DRC4: variants seen among roughly 807,000 people sequenced by gnomAD.
The protein encoded by DRC4 is dynein regulatory complex subunit 4.
chr16:90,043,217 A>G, the DRC4 span: 1 of 1,613,250 alleles, frequency 6.2e-7, no homozygotes, highest in Admixed American at 1.7e-5. Flanking sequence ...CCTGCTGCGC[A>G]CGTATGAGGC....
At chr16:90,039,825 A>T in the DRC4 span, 1 of 193,680 alleles carries the variant, frequency 5.2e-6, no homozygotes, top group South Asian at 1.1e-4. Context: ...CGTGCTCCAG[A>T]TCCACCATTT....
At chr16:90,037,547 C>T in the DRC4 span, 2 of 1,086,058 alleles carry the variant, frequency 1.8e-6, no homozygotes, top group African/African-American at 3.2e-5. Context: ...TCGTGTTCTC[C>T]TGGGGAAAGT....
chr16:90,031,527 T>G, the DRC4 span: 5 of 1,535,880 alleles, frequency 3.3e-6, no homozygotes, highest in South Asian at 6.1e-5. Context: ...CGTGCTAACC[T>G]GGTCACCACA....
chr16:90,030,016 C>G, the DRC4 span: 1 of 152,268 alleles, frequency 6.6e-6, no homozygotes, highest in African/African-American at 2.4e-5. Flanking sequence ...CTCTGCCTCC[C>G]AAAGTGCTGG....
the DRC4 span, chr16:90,042,262 T>G: frequency 9.7e-6 from 6 of 615,732 alleles, no homozygotes; most frequent in Non-Finnish European, 1.5e-5. Context: ...AGGCAGGTTG[T>G]GCAAGCTCCC....
the DRC4 span, chr16:90,037,791 G>GA: frequency 6.2e-7 from 1 of 1,614,078 alleles, no homozygotes; most frequent in African/African-American, 1.3e-5. Context: ...AAGTCAGGGA[G>GA]AAAGAGCTGA....
At chr16:90,042,998 CCT>C in the DRC4 span, 1 of 580,880 alleles carries the variant, frequency 1.7e-6, no homozygotes, top group Non-Finnish European at 3.0e-6. Flanking sequence ...ATAGTGACAG[CCT>C]CTCCCTGTCG....
the DRC4 span, among the ~76,000 whole-genome samples, chr16:90,040,910 C>T: frequency 6.6e-6 from 1 of 152,106 alleles, no homozygotes; most frequent in South Asian, 2.1e-4. Flanking sequence ...GGACCCTGGT[C>T]ATCTGGGATG....
the DRC4 span, chr16:90,031,538 G>C: frequency 1.3e-6 from 2 of 1,524,386 alleles, no homozygotes; most frequent in Non-Finnish European, 1.8e-6. Flanking sequence ...GGTCACCACA[G>C]AGCCCCAGAG....
chr16:90,025,553 G>A, the DRC4 span, among the ~76,000 whole-genome samples: 1 of 149,274 alleles, frequency 6.7e-6, no homozygotes, highest in Non-Finnish European at 1.5e-5. Context: ...AGGAGGCTGA[G>A]GCAGGAGAAT....
chr16:90,043,246 G>A, the DRC4 span: 3 of 1,613,648 alleles, frequency 1.9e-6, no homozygotes, highest in Non-Finnish European at 2.5e-6. Context: ...TGGCCTTCGG[G>A]ATCCCTCTGG....
chr16:90,036,952 T>C, the DRC4 span: 2 of 555,482 alleles, frequency 3.6e-6, no homozygotes, highest in African/African-American at 1.9e-5. Flanking sequence ...CACTGCATGC[T>C]GGCAGTGACA....
At chr16:90,019,671 G>A in the DRC4 span, 1 of 530,632 alleles carries the variant, frequency 1.9e-6, no homozygotes, top group Non-Finnish European at 3.3e-6. This position sits in a 1 kb window ranked among gnomAD's most constrained non-coding sequence, Gnocchi z 6.1. Context: ...GACACCACCG[G>A]GACCTGGCTG....
At chr16:90,035,275 C>G in the DRC4 span, among the ~76,000 whole-genome samples, 1 of 152,140 alleles carries the variant, frequency 6.6e-6, no homozygotes, top group Non-Finnish European at 1.5e-5. Context: ...TCAAGTGATC[C>G]TCCTGCCTTG....
At chr16:90,024,258 G>C in the DRC4 span, among the ~76,000 whole-genome samples, 1 of 152,012 alleles carries the variant, frequency 6.6e-6, no homozygotes, top group Non-Finnish European at 1.5e-5. Flanking sequence ...TTGTGTAGTG[G>C]GATTTTTAAG....
chr16:90,028,035 G>A, the DRC4 span: 1 of 354,266 alleles, frequency 2.8e-6, no homozygotes. Flanking sequence ...TTTTGCACCT[G>A]ATGTGTATAG....
chr16:90,044,219 C>T, the DRC4 span: 54 of 452,672 alleles, frequency 1.2e-4, no homozygotes, highest in Non-Finnish European at 1.9e-4. Flanking sequence ...CTGGAGTTGG[C>T]TCAGATGAAA....
the DRC4 span, among the ~76,000 whole-genome samples, chr16:90,034,854 G>C: frequency 4.1e-5 from 6 of 144,584 alleles, no homozygotes; most frequent in Non-Finnish European, 6.0e-5. Context: ...CTCCCAAGTA[G>C]CTGGAACTAT....
the DRC4 span, chr16:90,036,635 A>G: frequency 6.6e-7 from 1 of 1,514,918 alleles, no homozygotes; most frequent in Non-Finnish European, 9.0e-7. Context: ...CTGTCCTAGA[A>G]TGTGGGCTGC....
Sources: allele counts gnomAD v4.1 joint callset (sites outside exome capture counted in the v4.1 genomes callset), GRCh38; gene constraint gnomAD v4.1.1; non-coding constraint Gnocchi (gnomAD v3.1); transcripts MANE v1.5; gene names NCBI Gene and HGNC (gene_info 2026-07-23, HGNC 2026-07-21).